Variants in ARSG observed in about 807,000 individuals in gnomAD.
ARSG encodes the protein ASG.
In ARSG, 37 loss-of-function variants were observed where a neutral mutation model predicts 50.5. The observed-to-expected ratio is 0.73, with a 90% CI of 0.56 to 0.96. The LOEUF is 0.96. Among genes scored for constraint, ARSG ranks in the 50% least tolerant of loss-of-function variants. The pLI is 0.00. For synonymous variants in ARSG, 225 were observed against 254.6 expected (o/e 0.88, Z 1.11); for missense variants, 629 against 675.3 (o/e 0.93, Z 0.76).
rs540889153 is a variant in ARSG, at chr17:68,413,629, T to C, written c.1304-6560T>C. 6.5e-3 allele frequency: 995 copies of C among 152,810 alleles called. 3 individuals carry two copies. The highest frequency in any genetic ancestry group is 0.023 in the Middle Eastern group (7 of 298). 9.5% of individuals were successfully genotyped at this position (152,810 alleles called of 1,614,324 possible). On this transcript the variant is annotated intron_variant, in intron 11 of 11. Coordinates refer to ENST00000621439, the MANE Select transcript of ARSG (RefSeq NM_001267727.2). ...GAGGCAGGCAGGCCTCCTTGAGCTGTGGTGGGCTCCACCCAGTTCGAGCTT... is the reference window on the plus strand; with the variant it reads ...GAGGCAGGCAGGCCTCCTTGAGCTGCGGTGGGCTCCACCCAGTTCGAGCTT...
chr17:68,338,167 T>C (rs12937830), intron 2 of ARSG, among the ~76,000 whole-genome samples: 10,121 of 152,108 alleles, frequency 0.067, 485 homozygotes, highest in Non-Finnish European at 0.1. Flanking sequence ...TCCGTTCACA[T>C]TGAGCTGTAT....
the ARSG span, among the ~76,000 whole-genome samples, chr17:68,436,997 AAAAAAAAAATATAT>A: frequency 2.2e-4 from 13 of 58,988 alleles, no homozygotes; most frequent in Admixed American, 3.6e-4. Flanking sequence ...CCGTCTCAAA[AAAAAAAAAATATAT>A]ATATATGTGT....
chr17:68,327,724 T>C (rs2077563766), intron 2 of ARSG, among the ~76,000 whole-genome samples: 1 of 152,136 alleles, frequency 6.6e-6, no homozygotes, highest in Admixed American at 6.5e-5. Context: ...ACATATCTTT[T>C]GGGGGGACGC....
intron 11 of ARSG, among the ~76,000 whole-genome samples, chr17:68,406,468 A>G (rs1485846790): frequency 6.6e-6 from 1 of 152,210 alleles, no homozygotes; most frequent in Non-Finnish European, 1.5e-5. Context: ...TCTGTTTTCC[A>G]TAGCGGCTAT....
chr17:68,343,443 C>T (rs1478217920), intron 2 of ARSG, among the ~76,000 whole-genome samples, 161 bp from the exon 3 acceptor site: 1 of 152,222 alleles, frequency 6.6e-6, no homozygotes, highest in African/African-American at 2.4e-5. Context: ...AGGGGTGAGC[C>T]ACCGCGCCTG....
chr17:68,326,059 T>C (rs1314384266), intron 2 of ARSG, among the ~76,000 whole-genome samples: 1 of 152,186 alleles, frequency 6.6e-6, no homozygotes, highest in Non-Finnish European at 1.5e-5. Context: ...TCTGGAATTA[T>C]ACCCTAGGGC....
chr17:68,445,196 A>AGGCCT, the ARSG span, among the ~76,000 whole-genome samples: 758 of 152,264 alleles, frequency 5.0e-3, 5 homozygotes, highest in Admixed American at 8.2e-3. Flanking sequence ...CTGGGATGAT[A>AGGCCT]GGCCTGAGCC....
Position 68,270,515 on chromosome 17 carries a change from C to T in ARSG, c.-552+11089C>T, listed in dbSNP as rs558508916. ...GTTGCAGTGAGCTGAGACTGCGCCACTGCACTCCAGCCTGGGTGATAGAGC... is the reference window on the plus strand; with the variant it reads ...GTTGCAGTGAGCTGAGACTGCGCCATTGCACTCCAGCCTGGGTGATAGAGC... On this transcript the variant is annotated intron_variant, in intron 1 of 11. Coordinates refer to the ARSG transcript ENST00000448504. 1.4e-3 allele frequency among the ~76,000 whole-genome samples: 206 copies of T among 150,426 alleles called. 1 individual carries two copies. Among genetic ancestry groups the T allele is most frequent in the Non-Finnish European group, 2.6e-3 (176 of 67,778 alleles).
chr17:68,400,079 C>A (rs1167531722), intron 10 of ARSG: 2 of 152,222 alleles, frequency 1.3e-5, no homozygotes, highest in African/African-American at 4.8e-5. Context: ...AGCTGTGAAA[C>A]TCCGGGGGAC....
At position 68,269,038 on chromosome 17, in the gene ARSG, T is replaced by C. The variant is rs532724967; in HGVS notation, c.-552+9612T>C. 1.1e-5 allele frequency: 17 copies of C among 1,593,556 alleles called. 2 individuals are homozygous for C. Among genetic ancestry groups the C allele is most frequent in the Admixed American group, 8.8e-5 (5 of 56,540 alleles). ...GCTCCTCTGCCTCCTTGTGTCCCCG[T>C]TGGGCCCACCCCATCCCTCTCCAGC... On this transcript the variant is annotated intron_variant, in intron 1 of 11. Coordinates refer to the ARSG transcript ENST00000448504.
intron 6 of ARSG, among the ~76,000 whole-genome samples, chr17:68,366,677 A>ATGTGTGTGTGTGTGTGTGTGTGTG (rs3072873): frequency 6.7e-6 from 1 of 148,258 alleles, no homozygotes; most frequent in African/African-American, 2.5e-5. Context: ...GAATTTATGT[A>ATGTGTGTGTGTGTGTGTGTGTGTG]TGTGTGTGTG....
At chr17:68,450,595 C>T in the ARSG span, 13 of 1,223,244 alleles carry the variant, frequency 1.1e-5, no homozygotes, top group African/African-American at 9.2e-5. Context: ...CCCCGGGACA[C>T]GGGGCCTGAG....
At chr17:68,283,522 G>GAAA (rs368039909) in intron 1 of ARSG, among the ~76,000 whole-genome samples, 3 of 112,194 alleles carry the variant, frequency 2.7e-5, no homozygotes, top group Non-Finnish European at 3.7e-5. Context: ...CTCCGTATCA[G>GAAA]AAAAAAAAAA....
chr17:68,261,926 G>A (rs782718498), intron 1 of ARSG, among the ~76,000 whole-genome samples: 9 of 151,966 alleles, frequency 5.9e-5, no homozygotes, highest in Non-Finnish European at 1.2e-4. Flanking sequence ...GCTGAAGCAG[G>A]TAGATCACCT....
chr17:68,432,135 G>A, the ARSG span, among the ~76,000 whole-genome samples: 2 of 152,156 alleles, frequency 1.3e-5, no homozygotes, highest in East Asian at 1.9e-4. Context: ...TTACACCTGT[G>A]CAGATTGGGG....
At chr17:68,281,523 C>A (rs568741126) in intron 1 of ARSG, among the ~76,000 whole-genome samples, 1 of 151,932 alleles carries the variant, frequency 6.6e-6, no homozygotes, top group African/African-American at 2.4e-5. Flanking sequence ...TGCAGTGAGC[C>A]GAGATCGTGC....
At position 68,356,703 on chromosome 17, in the gene ARSG, C is replaced by T. The variant is rs115207014; in HGVS notation, c.603C>T (p.Leu201=). ...LQRDCYTDVA[L]PLYENLNIVE... ...GAGACTGTTACACTGACGTGGCCCT[C>T]CCTCTTTATGAAAACCTCAACATTG... Residue 201 remains leucine, a synonymous_variant, in exon 6 of 12, where the codon CTC becomes CTT. Transcript: ENST00000621439. The T allele has an allele frequency of 2.0e-4, 317 of 1,614,218 alleles. No individual in the cohort carries two copies. In the African/African-American group the frequency reaches 3.9e-3, roughly 20 times the overall value.
chr17:68,298,286 G>T (rs1319458237), intron 1 of ARSG, among the ~76,000 whole-genome samples: 1 of 151,942 alleles, frequency 6.6e-6, no homozygotes, highest in African/African-American at 2.4e-5. Context: ...CTGTCTTGGG[G>T]TGCTCAGGAT....
the ARSG span, chr17:68,434,743 A>G: frequency 3.5e-5 from 35 of 999,384 alleles, 1 homozygote; most frequent in South Asian, 5.3e-4. Context: ...GAGGAAGAAC[A>G]CCACGTTGAG....
Sources: gnomAD v4.1 joint callset for allele counts (sites outside exome capture counted in the v4.1 genomes callset) on GRCh38, gnomAD v4.1.1 for gene constraint, MANE v1.5 for transcripts, NCBI Gene and HGNC (gene_info 2026-07-23, HGNC 2026-07-21) for gene names.